Variants in PTPRD observed in about 807,000 individuals in gnomAD.
PTPRD encodes the protein protein tyrosine phosphatase receptor type D.
PTPRD carries 34 observed loss-of-function variants against 214.5 expected under a neutral mutation model. The observed-to-expected ratio is 0.16, with a 90% confidence interval of 0.12 to 0.21. The LOEUF (loss-of-function observed/expected upper bound fraction) is 0.21, where lower values mean the gene tolerates loss of function less well. Ranked by LOEUF, PTPRD falls within the 10% of genes least tolerant of loss-of-function variation. The pLI is 1.00. For synonymous variants in PTPRD, 1,128 were observed against 845.7 expected, an observed-to-expected ratio of 1.33 and a Z score of -5.79; for missense variants, 2,545 against 2,398.7, an observed-to-expected ratio of 1.06 and a Z score of -1.27.
Position 9,672,802 on chromosome 9 carries a change from C to T in PTPRD, c.-287+61731G>A, listed in dbSNP as rs192246852. Among the ~76,000 whole-genome samples the T allele has an allele frequency of 2.1e-4, 32 of 152,034 alleles. 1 individual carries two copies. The highest frequency in any genetic ancestry group is 1.4e-3 in the Admixed American group (22 of 15,264). The stretch of plus-strand genomic sequence containing the variant: ...AGCTAGTAAAAGTAATCTAGACATA[C>T]GACCTAAATCTGCATATTTCTAATG... On this transcript the variant is annotated intron_variant, in intron 7 of 45. Coordinates refer to ENST00000381196, the MANE Select transcript of PTPRD (RefSeq NM_002839.4).
chr9:9,649,759 A>T (rs551021476), intron 7 of PTPRD, among the ~76,000 whole-genome samples: 2 of 152,322 alleles, frequency 1.3e-5, no homozygotes, highest in South Asian at 4.1e-4. Flanking sequence ...TATTTACCTG[A>T]TTATTCTCTC....
intron 4 of PTPRD, among the ~76,000 whole-genome samples, chr9:9,954,297 CAAAAAA>C (rs781628679): frequency 1.9e-4 from 10 of 53,752 alleles, no homozygotes; most frequent in Admixed American, 1.2e-3. Context: ...TGTCTCAAAA[CAAAAAA>C]AAAAAAAAAA....
chr9:9,823,135 A>C (rs2051379026), intron 5 of PTPRD, among the ~76,000 whole-genome samples: 1 of 152,172 alleles, frequency 6.6e-6, no homozygotes, highest in Admixed American at 6.6e-5. Context: ...CCATTCTTGC[A>C]TTGCTATAAA....
chr9:10,331,257 T>C lies in PTPRD; in HGVS notation c.-545+9706A>G, dbSNP rs368592119. Among the ~76,000 whole-genome samples the C allele has an allele frequency of 7.7e-4, 116 of 150,628 alleles. 2 individuals are homozygous for C. The South Asian group carries it at 0.021, about 27-fold the overall frequency. ...GCTACTGCAATAAAAACAGCATGGT[T>C]TGGAGCAGCAAAACCATCTGGCCAT... is the stretch of plus-strand genomic sequence containing the variant. On this transcript the variant is annotated intron_variant, in intron 3 of 45. Transcript: ENST00000381196.
At chr9:10,117,105 C>CT (rs992895046) in intron 3 of PTPRD, among the ~76,000 whole-genome samples, 7 of 152,040 alleles carry the variant, frequency 4.6e-5, no homozygotes, top group Admixed American at 2.0e-4. Flanking sequence ...TTTGTATCTT[C>CT]TTTTTTTTCC....
chr9:8,354,997 G>C (rs1047405405), intron 39 of PTPRD, among the ~76,000 whole-genome samples: 3 of 152,146 alleles, frequency 2.0e-5, no homozygotes, highest in Non-Finnish European at 4.4e-5. Flanking sequence ...TGTGAACCTG[G>C]TGATATAGTT....
At chr9:8,751,420 GA>G (rs57993186) in intron 11 of PTPRD, among the ~76,000 whole-genome samples, 93,552 of 150,894 alleles carry the variant, frequency 0.62, 29,622 homozygotes, top group Middle Eastern at 0.74. Flanking sequence ...AAAAAGAAAA[GA>G]AAAAAAAATA....
At chr9:8,496,163 A>G (rs1021482701) in intron 26 of PTPRD, among the ~76,000 whole-genome samples, 4 of 138,626 alleles carry the variant, frequency 2.9e-5, no homozygotes, top group African/African-American at 8.3e-5. Context: ...TTCCACCTCC[A>G]ACTCTCCAAC....
intron 30 of PTPRD, among the ~76,000 whole-genome samples, chr9:8,471,487 G>C (rs2096652213): frequency 6.6e-6 from 1 of 152,122 alleles, no homozygotes; most frequent in Non-Finnish European, 1.5e-5. Context: ...GGATATAGAT[G>C]AAAAATTTCA....
At chr9:10,259,284 A>G (rs1363161524) in intron 3 of PTPRD, among the ~76,000 whole-genome samples, 1 of 151,958 alleles carries the variant, frequency 6.6e-6, no homozygotes, top group Non-Finnish European at 1.5e-5. Flanking sequence ...TCGGCCTCCC[A>G]AAGTGCTGGG....
At chr9:8,496,526 T>C (rs1490343091) in intron 26 of PTPRD, among the ~76,000 whole-genome samples, 3 of 151,788 alleles carry the variant, frequency 2.0e-5, no homozygotes, top group Non-Finnish European at 2.9e-5. Flanking sequence ...TAACATAGAG[T>C]TTTCATTCAA....
chr9:10,453,774 A>G (rs1236132400), intron 2 of PTPRD, among the ~76,000 whole-genome samples: 1 of 151,444 alleles, frequency 6.6e-6, no homozygotes, highest in African/African-American at 2.4e-5. Flanking sequence ...TTCCCTTCCA[A>G]TGTGGATGTC....
At chr9:8,642,679 T>C (rs1294470777) in intron 12 of PTPRD, among the ~76,000 whole-genome samples, 1 of 152,160 alleles carries the variant, frequency 6.6e-6, no homozygotes, top group African/African-American at 2.4e-5. Context: ...CCAAGGGTAG[T>C]AGCCTGGTCT....
intron 9 of PTPRD, among the ~76,000 whole-genome samples, chr9:9,332,246 G>C (rs1344203470): frequency 6.6e-6 from 1 of 151,988 alleles, no homozygotes; most frequent in Non-Finnish European, 1.5e-5. Flanking sequence ...GGTGGAGAGA[G>C]AGAGAGTCAG....
chr9:10,136,238 G>C (rs1275399903), intron 3 of PTPRD, among the ~76,000 whole-genome samples: 6 of 152,040 alleles, frequency 3.9e-5, no homozygotes, highest in African/African-American at 1.4e-4. Flanking sequence ...CATAAAACAA[G>C]TACTTCTTGG....
intron 3 of PTPRD, among the ~76,000 whole-genome samples, chr9:10,090,917 TATACAC>T (rs1333471887): frequency 2.5e-4 from 13 of 52,976 alleles, no homozygotes; most frequent in African/African-American, 1.0e-3. Flanking sequence ...ATAAATGAAA[TATACAC>T]ACACACACAC....
intron 9 of PTPRD, among the ~76,000 whole-genome samples, chr9:9,354,721 G>T (rs989433478): frequency 2.0e-5 from 3 of 151,798 alleles, no homozygotes; most frequent in African/African-American, 7.2e-5. Flanking sequence ...AGAAGGATTT[G>T]AAGTATCAGC....
intron 2 of PTPRD, among the ~76,000 whole-genome samples, chr9:10,357,830 T>C (rs1256603532): frequency 6.6e-6 from 1 of 152,230 alleles, no homozygotes; most frequent in Non-Finnish European, 1.5e-5. Context: ...TTAAAATGCC[T>C]TGTGATCAAA....
rs2059867561 is a variant in PTPRD, at chr9:10,544,855, AC to A, written c.-600+67542del. Among the ~76,000 whole-genome samples the A allele has an allele frequency of 2.0e-5, 3 of 152,328 alleles. No homozygotes were observed. The South Asian group carries it at 6.2e-4, about 32-fold the overall frequency. Reference sequence around the variant, plus strand: ...TGACAAAATAATTTTGGACATTACTACATAAAAATAGGGAAATGTTCCTCAA... The same window carrying A: ...TGACAAAATAATTTTGGACATTACTAATAAAAATAGGGAAATGTTCCTCAA... On this transcript the variant is annotated intron_variant, in intron 2 of 45. Transcript: ENST00000381196.
Sources: allele counts gnomAD v4.1 joint callset (sites outside exome capture counted in the v4.1 genomes callset), GRCh38; gene constraint gnomAD v4.1.1; transcripts MANE v1.5; gene names NCBI Gene and HGNC (gene_info 2026-07-23, HGNC 2026-07-21).